The following IQGAP1 variants were observed in gnomAD, a reference collection of about 807,000 sequenced individuals.
IQGAP1 encodes IQ motif containing GTPase activating protein 1, also known as ras GTPase-activating-like protein IQGAP1.
In IQGAP1, 66 loss-of-function variants were observed where a neutral mutation model predicts 215.6. The observed-to-expected ratio is 0.31, with a 90% CI of 0.25 to 0.38. The LOEUF is 0.38. IQGAP1 is among the 10% of genes least tolerant of loss of function. The probability of loss-of-function intolerance (pLI) is 1.00; values close to 1 mark genes in which losing one functional copy is unlikely to be tolerated. For missense variants in IQGAP1, 1,712 were observed against 1,997.1 expected (o/e 0.86, Z 2.72); for synonymous variants, 772 against 728.7 (o/e 1.06, Z -0.96).
At chr15:90,433,627 T>G in intron 4 of IQGAP1, 92 bp from the exon 5 acceptor site, 1 of 759,810 alleles carries the variant, frequency 1.3e-6, no homozygotes, top group Non-Finnish European at 2.2e-6. Context: ...TTTCTAACTG[T>G]CCATAGTTTG....
chr15:90,485,224 C>T (rs9944285), intron 30 of IQGAP1, among the ~76,000 whole-genome samples: 32,755 of 152,088 alleles, frequency 0.22, 4,684 homozygotes, highest in African/African-American at 0.41. Context: ...GAGGGCATCA[C>T]TGGGGATAAT....
In IQGAP1 at chr15:90,494,847, C is replaced by G; in HGVS notation, c.4751+12C>G. On this transcript the variant is annotated intron_variant, in intron 36 of 37. Coordinates refer to ENST00000268182, the MANE Select transcript of IQGAP1 (RefSeq NM_003870.4). Reference sequence around the variant, plus strand: ...CTGCAAGTGAATCAGTGAGTCTTTGCTTTTTGTTTTATAAGTTGATTTTTA... The same window carrying G: ...CTGCAAGTGAATCAGTGAGTCTTTGGTTTTTGTTTTATAAGTTGATTTTTA... 1 of 1,583,178 alleles carries G rather than the reference C, an allele frequency of 6.3e-7. No individual in the cohort carries two copies. Among genetic ancestry groups the G allele is most frequent in the Non-Finnish European group, 8.6e-7 (1 of 1,166,078 alleles).
At chr15:90,473,400 TAAA>T in intron 19 of IQGAP1, 1 of 402,550 alleles carries the variant, frequency 2.5e-6, no homozygotes, top group Non-Finnish European at 4.6e-6. Context: ...TCCCCATCTG[TAAA>T]AGGGGAATGC....
intron 16 of IQGAP1, 45 bp downstream of exon 16, chr15:90,466,136 G>GACCCCAGCACCC: frequency 6.3e-7 from 1 of 1,594,594 alleles, no homozygotes; most frequent in Non-Finnish European, 8.6e-7. Context: ...AGGCTGGGGT[G>GACCCCAGCACCC]ACAAGGTGCT....
rs149866946 is a variant in IQGAP1, at chr15:90,450,205, T to C, written c.1162+562T>C. Reference sequence around the variant, plus strand: ...CAACTCTACCTCTGTGAGATCCACTTTTTTAGCTCCCATATATGAGTGAGA... The same window carrying C: ...CAACTCTACCTCTGTGAGATCCACTCTTTTAGCTCCCATATATGAGTGAGA... On this transcript the variant is annotated intron_variant, in intron 11 of 37. Coordinates refer to ENST00000268182, the MANE Select transcript of IQGAP1 (RefSeq NM_003870.4). 6.3e-3 allele frequency among the ~76,000 whole-genome samples: 957 copies of C among 152,230 alleles called. 12 individuals are homozygous for C. The highest frequency in any genetic ancestry group is 6.6e-3 in the Non-Finnish European group (448 of 68,012).
At chr15:90,418,440 T>C (rs1327756224) in intron 2 of IQGAP1, among the ~76,000 whole-genome samples, 1 of 151,704 alleles carries the variant, frequency 6.6e-6, no homozygotes, top group African/African-American at 2.4e-5. Context: ...TTTTAAAAAT[T>C]AGCCTCGTGT....
Position 90,479,765 on chromosome 15 carries a change from A to C in IQGAP1, c.3329+1876A>C, listed in dbSNP as rs1966030892. 3.3e-5 allele frequency among the ~76,000 whole-genome samples: 5 copies of C among 152,042 alleles called. 1 individual carries two copies. The South Asian group carries it at 1.0e-3, about 32-fold the overall frequency. On this transcript the variant is annotated intron_variant, in intron 26 of 37. Transcript: ENST00000268182. The stretch of plus-strand genomic sequence containing the variant: ...AAGGGGCGTTTCCTTATTAGGAATC[A>C]TTTGGCATCTGATTGGTTCTCAGTA...
chr15:90,464,308 T>C (rs1965800976), intron 15 of IQGAP1, among the ~76,000 whole-genome samples: 1 of 152,138 alleles, frequency 6.6e-6, no homozygotes, highest in Admixed American at 6.5e-5. Context: ...GAATTGATGC[T>C]CTCTGTAAAG....
At chr15:90,433,593 GTTTTCTAAGAATGCCACCGA>G in intron 4 of IQGAP1, 106 bp from the exon 5 acceptor site, 1 of 486,226 alleles carries the variant, frequency 2.1e-6, no homozygotes, top group Non-Finnish European at 3.9e-6. Context: ...TGCCACCGAT[GTTTTCTAAGAATGCCACCGA>G]TGTTTTCTAA....
intron 4 of IQGAP1, chr15:90,431,095 G>C (rs8035817): frequency 2.0e-5 from 3 of 148,222 alleles, no homozygotes; most frequent in Non-Finnish European, 4.5e-5. Flanking sequence ...TATATATTAC[G>C]TATATAGTAT....
Position 90,388,393 on chromosome 15 carries a change from G to C in IQGAP1, c.52G>C (p.Gly18Arg). ...GCTGGGCGTGGCCCGGCCGCACTAT[G>C]GCTGTGAGTGCGGGGCTCCGCGGCG... is the stretch of plus-strand genomic sequence containing the variant. The part of the protein sequence containing the change: ...DGLGVARPHY[G>R]SVLDNERLTA... The change falls in exon 1 of 38, where the codon GGC becomes CGC. Residue 18 changes from glycine (G) to arginine (R), a missense_variant. Gly to Arg is a moderately radical substitution (Grantham distance 125). Transcript: ENST00000268182. The C allele has an allele frequency of 6.3e-7, 1 of 1,584,096 alleles. No homozygotes were observed. The highest frequency in any genetic ancestry group is 2.4e-5 in the East Asian group (1 of 41,008).
Position 90,483,473 on chromosome 15 carries a change from G to A in IQGAP1, c.3668G>A (p.Arg1223Gln). ...AGGQLTTDQR[R>Q]NLGSIAKMLQ... ...GGCCAGCTTACCACAGACCAACGCCGAAATCTGGGCTCCATTGCAAAAATG... is the reference window on the plus strand; with the variant it reads ...GGCCAGCTTACCACAGACCAACGCCAAAATCTGGGCTCCATTGCAAAAATG... The change falls in exon 29 of 38, where the codon CGA becomes CAA. Residue 1223 changes from arginine (R) to glutamine (Q), a missense_variant. By Grantham distance (43) the Arg-to-Gln change is conservative. Coordinates refer to ENST00000268182, the MANE Select transcript of IQGAP1 (RefSeq NM_003870.4). The A allele has an allele frequency of 6.2e-7, 1 of 1,614,132 alleles. No homozygotes were observed. Among genetic ancestry groups the A allele is most frequent in the Non-Finnish European group, 8.5e-7 (1 of 1,180,026 alleles).
chr15:90,407,266 A>G (rs186487996), intron 2 of IQGAP1, among the ~76,000 whole-genome samples: 1 of 152,350 alleles, frequency 6.6e-6, no homozygotes, highest in East Asian at 1.9e-4. Context: ...TCTATGAAGA[A>G]TAATTGGGAA....
intron 33 of IQGAP1, 53 bp downstream of exon 33, chr15:90,487,635 T>C (rs1966145567): frequency 8.2e-7 from 1 of 1,215,982 alleles, no homozygotes; most frequent in South Asian, 1.2e-5. Flanking sequence ...GCTCTCCCGA[T>C]AGGCGCATGT....
chr15:90,483,786 T>TAACACTTA (rs1966090012), intron 29 of IQGAP1, among the ~76,000 whole-genome samples, 193 bp downstream of exon 29: 2 of 152,212 alleles, frequency 1.3e-5, no homozygotes, highest in Admixed American at 6.5e-5. Flanking sequence ...AGATAGTAGT[T>TAACACTTA]AACACTTATG....
rs143308051 is a variant in IQGAP1, at chr15:90,496,209, G to A, written c.4752-1023G>A. Among the ~76,000 whole-genome samples the A allele has an allele frequency of 6.5e-4, 98 of 151,054 alleles. 1 individual carries two copies. Among genetic ancestry groups the A allele is most frequent in the African/African-American group, 2.3e-3 (95 of 41,074 alleles). Reference sequence around the variant, plus strand: ...CAGTGACCTTTTTGCATCTTTCATGGTTCTCAGCCCTGTTCGTAATAGGTA... The same window carrying A: ...CAGTGACCTTTTTGCATCTTTCATGATTCTCAGCCCTGTTCGTAATAGGTA... On this transcript the variant is annotated intron_variant, in intron 36 of 37. Transcript: ENST00000268182.
chr15:90,423,745 T>C (rs1965181052), intron 2 of IQGAP1, among the ~76,000 whole-genome samples: 1 of 152,238 alleles, frequency 6.6e-6, no homozygotes, highest in Non-Finnish European at 1.5e-5. Flanking sequence ...CTTTCTTCTC[T>C]GACCTGACAC....
rs978180019 is a variant in IQGAP1 at position 90,500,974 on chromosome 15, A to C, written c.*866A>C. 1 of 152,676 alleles carries C rather than the reference A, an allele frequency of 6.5e-6. No individual in the cohort carries two copies. The highest frequency in any genetic ancestry group is 2.4e-5 in the African/African-American group (1 of 41,464). The allele number at this position is 152,676 out of a possible 1,614,324, so 9.5% of individuals were successfully genotyped here. ...GTCATTGTTTTTAAAACTGTTTTAT[A>C]TCTTAAGAGTGCCTTATTAAAGTAT... On this transcript the variant is annotated 3_prime_UTR_variant, in exon 38 of 38. Transcript: ENST00000268182.
intron 28 of IQGAP1, among the ~76,000 whole-genome samples, chr15:90,482,494 G>T (rs1966073247): frequency 6.6e-6 from 1 of 152,142 alleles, no homozygotes; most frequent in Non-Finnish European, 1.5e-5. Context: ...CAAACAAGTA[G>T]AAAGATGGAT....
Sources: gnomAD v4.1 joint callset for allele counts (sites outside exome capture counted in the v4.1 genomes callset) on GRCh38, gnomAD v4.1.1 for gene constraint, MANE v1.5 for transcripts, NCBI Gene and HGNC (gene_info 2026-07-23, HGNC 2026-07-21) for gene names.